Variants in FLI1 observed in about 807,000 individuals in gnomAD.
The protein encoded by FLI1 is Fli-1 proto-oncogene, ETS transcription factor.
In FLI1, 13 loss-of-function variants were observed where a neutral mutation model predicts 53.1. The ratio of observed to expected loss-of-function variants is 0.24; its 90% CI spans 0.16 to 0.39. FLI1 has a LOEUF of 0.39. Among genes scored for constraint, FLI1 ranks in the 10% least tolerant of loss-of-function variants. The pLI is 1.00. For missense variants in FLI1, 424 were observed against 600.5 expected, an observed-to-expected ratio of 0.71 and a Z score of 3.07; for synonymous variants, 244 against 236.7, an observed-to-expected ratio of 1.03 and a Z score of -0.28.
chr11:128,748,326 T>A (rs1940494682), intron 1 of FLI1: 1 of 903,414 alleles, frequency 1.1e-6, no homozygotes, highest in African/African-American at 1.8e-5. Context: ...GGAGGGGGAA[T>A]GATGTTCAAC....
chr11:128,799,861 C>G (rs1036061051), intron 5 of FLI1, among the ~76,000 whole-genome samples: 1 of 152,098 alleles, frequency 6.6e-6, no homozygotes, highest in Non-Finnish European at 1.5e-5. Flanking sequence ...AGAGGCTGCT[C>G]CTCCCCAAAG....
At chr11:128,775,121 A>G (rs1941692108) in intron 4 of FLI1, among the ~76,000 whole-genome samples, 1 of 152,182 alleles carries the variant, frequency 6.6e-6, no homozygotes, top group Admixed American at 6.5e-5. Flanking sequence ...TCCAGCTTGT[A>G]TACTGAAGAC....
intron 5 of FLI1, among the ~76,000 whole-genome samples, chr11:128,802,174 C>T (rs1369658940): frequency 6.6e-6 from 1 of 152,208 alleles, no homozygotes; most frequent in Non-Finnish European, 1.5e-5. Flanking sequence ...CTTCATACCC[C>T]TAGGGCAGAA....
chr11:128,785,689 G>A (rs746401748), intron 5 of FLI1, among the ~76,000 whole-genome samples: 2 of 152,058 alleles, frequency 1.3e-5, no homozygotes, highest in East Asian at 1.9e-4. Flanking sequence ...CTTATGCTTG[G>A]CACCAGCCCT....
rs569785251 is a variant in FLI1 at position 128,705,591 on chromosome 11, C to A, written c.18+11315C>A. Among the ~76,000 whole-genome samples, 10 of 152,228 alleles carry A rather than the reference C, an allele frequency of 6.6e-5. No individual in the cohort carries two copies. The South Asian group carries it at 1.7e-3, about 25-fold the overall frequency. ...AAAACACAAAGAAGGGAATGTTTTG[C>A]GAGGTTAAAAGGAAATCATTGAGTA... On this transcript the variant is annotated intron_variant, in intron 1 of 8. Transcript: ENST00000527786.
intron 6 of FLI1, 47 bp from the exon 7 acceptor site, chr11:128,807,133 C>A: frequency 7.5e-7 from 1 of 1,337,878 alleles, no homozygotes; most frequent in Non-Finnish European, 1.0e-6. Flanking sequence ...TTGCTCCCCT[C>A]GGGGAGCTGG....
intron 5 of FLI1, among the ~76,000 whole-genome samples, chr11:128,789,578 G>A (rs1203253476): frequency 1.3e-5 from 2 of 152,128 alleles, no homozygotes; most frequent in Admixed American, 1.3e-4. Flanking sequence ...TATTTCTCCG[G>A]GCGAAGAGTT....
chr11:128,733,646 C>T (rs1939789938), intron 1 of FLI1, among the ~76,000 whole-genome samples: 1 of 152,190 alleles, frequency 6.6e-6, no homozygotes, highest in South Asian at 2.1e-4. Context: ...CATTTGGACT[C>T]AGTTGGCAGG....
intron 5 of FLI1, among the ~76,000 whole-genome samples, chr11:128,798,658 G>T (rs1338557969): frequency 6.6e-6 from 1 of 152,148 alleles, no homozygotes; most frequent in Non-Finnish European, 1.5e-5. Context: ...TTCCCTGTGA[G>T]TTCCAAGTTT....
At chr11:128,701,024 A>G (rs11221441) in intron 1 of FLI1, among the ~76,000 whole-genome samples, 1 of 152,252 alleles carries the variant, frequency 6.6e-6, no homozygotes, top group Non-Finnish European at 1.5e-5. Context: ...AAGTGGCTCC[A>G]TCACTTATCA....
intron 1 of FLI1, among the ~76,000 whole-genome samples, chr11:128,708,136 G>T (rs867393694): frequency 6.6e-6 from 1 of 152,152 alleles, no homozygotes; most frequent in Non-Finnish European, 1.5e-5. Flanking sequence ...TGGGTGCCTT[G>T]GTTTCCCCAT....
At chr11:128,790,607 G>A (rs1487970599) in intron 5 of FLI1, among the ~76,000 whole-genome samples, 1 of 152,224 alleles carries the variant, frequency 6.6e-6, no homozygotes, top group Non-Finnish European at 1.5e-5. Flanking sequence ...GGCTCACACA[G>A]TGACTAGGAC....
At chr11:128,789,535 T>A (rs1159357314) in intron 5 of FLI1, among the ~76,000 whole-genome samples, 1 of 152,204 alleles carries the variant, frequency 6.6e-6, no homozygotes, top group Non-Finnish European at 1.5e-5. Context: ...AAATTCTCCG[T>A]AACTCAAAAA....
At chr11:128,741,328 G>T (rs530997940) in intron 1 of FLI1, among the ~76,000 whole-genome samples, 3 of 152,320 alleles carry the variant, frequency 2.0e-5, no homozygotes, top group East Asian at 3.9e-4. Flanking sequence ...GGGAGGCAGA[G>T]GTTCCATTGA....
chr11:128,699,260 G>A (rs1296777878), intron 1 of FLI1, among the ~76,000 whole-genome samples: 1 of 152,178 alleles, frequency 6.6e-6, no homozygotes, highest in Non-Finnish European at 1.5e-5. Flanking sequence ...TTTAAACCAA[G>A]CCTCTTTCTA....
intron 1 of FLI1, among the ~76,000 whole-genome samples, chr11:128,725,489 C>G (rs1366205716): frequency 1.3e-5 from 2 of 152,188 alleles, no homozygotes; most frequent in Non-Finnish European, 2.9e-5. Context: ...TGAGAACTAC[C>G]CCAATGCTCA....
intron 1 of FLI1, among the ~76,000 whole-genome samples, chr11:128,751,018 C>T (rs1056762750): frequency 1.4e-4 from 21 of 152,184 alleles, no homozygotes; most frequent in African/African-American, 5.1e-4. Context: ...GGCTATGTAA[C>T]AGAGCCTTAT....
chr11:128,740,923 G>A (rs1466684307), intron 1 of FLI1, among the ~76,000 whole-genome samples: 1 of 152,144 alleles, frequency 6.6e-6, no homozygotes, highest in Non-Finnish European at 1.5e-5. Context: ...AAGGAGAGAA[G>A]GTGCAGCCAC....
chr11:128,781,887 C>G, intron 4 of FLI1, 71 bp from the exon 5 acceptor site: 2 of 1,211,934 alleles, frequency 1.7e-6, no homozygotes, highest in Non-Finnish European at 2.5e-6. Flanking sequence ...CTACTCCCTC[C>G]TCATGTCATC....
Sources: allele counts gnomAD v4.1 joint callset (sites outside exome capture counted in the v4.1 genomes callset), GRCh38; gene constraint gnomAD v4.1.1; transcripts MANE v1.5; gene names NCBI Gene and HGNC (gene_info 2026-07-23, HGNC 2026-07-21).